The following ETS1 variants were observed in gnomAD, a reference collection of about 807,000 sequenced individuals.
The protein encoded by ETS1 is protein C-ets-1.
Under a neutral mutation model 58.6 loss-of-function variants are expected in ETS1, and 15 were observed. The observed-to-expected ratio is 0.26, with a 90% CI of 0.17 to 0.39. The LOEUF (loss-of-function observed/expected upper bound fraction) is 0.39. Among genes scored for constraint, ETS1 ranks in the 10% least tolerant of loss-of-function variants. The probability of loss-of-function intolerance (pLI) is 1.00; values close to 1 mark genes in which losing one functional copy is unlikely to be tolerated. For synonymous variants in ETS1, 214 were observed against 218.2 expected (o/e 0.98, Z 0.17); for missense variants, 417 against 610.5 (o/e 0.68, Z 3.34).
intron 8 of ETS1, among the ~76,000 whole-genome samples, chr11:128,475,556 CT>C (rs35049593): frequency 2.3e-4 from 25 of 109,402 alleles, no homozygotes; most frequent in South Asian, 6.2e-4. Flanking sequence ...ATGCACAGGG[CT>C]TTTTTTTTTT....
At chr11:128,502,743 C>T (rs1379104305) in intron 3 of ETS1, among the ~76,000 whole-genome samples, 1 of 152,150 alleles carries the variant, frequency 6.6e-6, no homozygotes, top group Non-Finnish European at 1.5e-5. Context: ...TTACTTGTAT[C>T]CTTAATCCTC....
At chr11:128,568,127 G>A (rs1864542873) in intron 2 of ETS1, among the ~76,000 whole-genome samples, 1 of 152,180 alleles carries the variant, frequency 6.6e-6, no homozygotes, top group Non-Finnish European at 1.5e-5. Context: ...CCCAAAGTCT[G>A]TGGCTCTGGG....
Position 128,569,315 on chromosome 11 carries a change from C to CTTCTTTTTTTTTTTT in ETS1, c.69+3732_69+3746dup, listed in dbSNP as rs1864573760. Among the ~76,000 whole-genome samples, 6 of 35,134 alleles carry CTTCTTTTTTTTTTTT rather than the reference C, an allele frequency of 1.7e-4. 1 individual carries two copies. Among genetic ancestry groups the CTTCTTTTTTTTTTTT allele is most frequent in the Non-Finnish European group, 3.0e-4 (5 of 16,486 alleles). 23.0% of individuals were successfully genotyped at this position (35,134 alleles called of 152,430 possible). A position where few individuals can be genotyped will look rare whatever the true frequency, so the allele number is the denominator to read the frequency against. On this transcript the variant is annotated intron_variant, in intron 2 of 9. Transcript: ENST00000392668. Reference sequence around the variant, plus strand: ...ATTTACCATACATGGGACAGAGTTTCTTCTTTTTTTTTTTTTTTTTTTTTT... The same window carrying CTTCTTTTTTTTTTTT: ...ATTTACCATACATGGGACAGAGTTTCTTCTTTTTTTTTTTTTTCTTTTTTTTTTTTTTTTTTTTTT...
intron 3 of ETS1, among the ~76,000 whole-genome samples, chr11:128,538,938 C>T (rs543335074): frequency 2.6e-4 from 39 of 152,260 alleles, no homozygotes; most frequent in African/African-American, 7.5e-4. Context: ...TCTCTATCCA[C>T]GACAGTGGAC....
chr11:128,553,852 A>C (rs1213152738), intron 3 of ETS1, among the ~76,000 whole-genome samples: 1 of 152,150 alleles, frequency 6.6e-6, no homozygotes, highest in Non-Finnish European at 1.5e-5. Context: ...TTCTGAGAGC[A>C]TGAACGTGAA....
intron 3 of ETS1, among the ~76,000 whole-genome samples, chr11:128,525,619 GAAAAAAAAAAAA>G (rs10554000): frequency 1.3e-5 from 1 of 75,818 alleles, no homozygotes; most frequent in African/African-American, 4.9e-5. Context: ...GTAAGATTTA[GAAAAAAAAAAAA>G]AAAAAAAAAA....
intron 3 of ETS1, among the ~76,000 whole-genome samples, chr11:128,528,459 C>T (rs1349466484): frequency 6.6e-6 from 1 of 152,134 alleles, no homozygotes; most frequent in East Asian, 1.9e-4. Context: ...GAAGCTGTCA[C>T]CCCACCCCTG....
rs1370072184 is a variant in ETS1, at chr11:128,458,849, G to A, written c.*3512C>T. The A allele has an allele frequency of 6.6e-6, 1 of 152,506 alleles. No homozygotes were observed. The highest frequency in any genetic ancestry group is 1.5e-5 in the Non-Finnish European group (1 of 67,996). 9.4% of individuals were successfully genotyped at this position (152,506 alleles called of 1,614,324 possible). On this transcript the variant is annotated 3_prime_UTR_variant, in exon 10 of 10. Transcript: ENST00000392668. The surrounding 1 kb of genome is among the most constrained non-coding windows in gnomAD (Gnocchi z 4.3). ...GCTACAGTATATAAAAAACTCTCCA[G>A]CAAAATGATGTGCCAGCATCAGCTA...
chr11:128,484,331 G>A (rs1356945001), intron 7 of ETS1, among the ~76,000 whole-genome samples: 1 of 152,120 alleles, frequency 6.6e-6, no homozygotes, highest in East Asian at 1.9e-4. Flanking sequence ...AAAAGTCACA[G>A]GAGGCTAAAG....
At chr11:128,582,267 A>C (rs1864890071) in intron 1 of ETS1, among the ~76,000 whole-genome samples, 1 of 152,194 alleles carries the variant, frequency 6.6e-6, no homozygotes, top group South Asian at 2.1e-4. Flanking sequence ...GCCATGAGCA[A>C]ATTTCTTAAC....
intron 8 of ETS1, among the ~76,000 whole-genome samples, chr11:128,470,816 G>A (rs1269239077): frequency 3.9e-5 from 6 of 152,102 alleles, no homozygotes; most frequent in Non-Finnish European, 5.9e-5. Flanking sequence ...TACAGTATAC[G>A]AATGTAAAAA....
intron 1 of ETS1, among the ~76,000 whole-genome samples, chr11:128,585,692 C>A (rs149260684): frequency 2.5e-4 from 38 of 152,286 alleles, no homozygotes; most frequent in African/African-American, 8.4e-4. Flanking sequence ...TTTTTCATAG[C>A]CCTATGCTGT....
At chr11:128,529,511 G>C (rs1326489429) in intron 3 of ETS1, among the ~76,000 whole-genome samples, 8 of 152,142 alleles carry the variant, frequency 5.3e-5, no homozygotes, top group Non-Finnish European at 1.2e-4. Context: ...TCTACTAATG[G>C]GTAATCAAGA....
rs1237399647 is a variant in ETS1 at position 128,460,442 on chromosome 11, T to C, written c.*1919A>G. 1 of 152,738 alleles carries C rather than the reference T, an allele frequency of 6.5e-6. No individual in the cohort carries two copies. The highest frequency in any genetic ancestry group is 1.5e-5 in the Non-Finnish European group (1 of 68,044). The allele number at this position is 152,738 out of a possible 1,614,324, so 9.5% of individuals were successfully genotyped here. A position where few individuals can be genotyped will look rare whatever the true frequency, so the allele number is the denominator to read the frequency against. ...ATAACAATCAATTTTCTTAAAGATATGCTAGAAAGTAGTTAGTACTTCCAA... is the reference window on the plus strand; with the variant it reads ...ATAACAATCAATTTTCTTAAAGATACGCTAGAAAGTAGTTAGTACTTCCAA... On this transcript the variant is annotated 3_prime_UTR_variant, in exon 10 of 10. Coordinates refer to ENST00000392668, the MANE Select transcript of ETS1 (RefSeq NM_001143820.2).
At chr11:128,526,864 C>A (rs1044502060) in intron 3 of ETS1, 1 of 454,278 alleles carries the variant, frequency 2.2e-6, no homozygotes, top group African/African-American at 2.0e-5. Context: ...TCAGTGCTCT[C>A]CAAGTCCAGC....
chr11:128,476,194 T>A (rs974413255), intron 8 of ETS1, among the ~76,000 whole-genome samples: 1 of 152,188 alleles, frequency 6.6e-6, no homozygotes, highest in Non-Finnish European at 1.5e-5. Context: ...GGACTCCTTA[T>A]CTGTGGCTAT....
At chr11:128,507,708 G>T (rs1863280658) in intron 3 of ETS1, among the ~76,000 whole-genome samples, 3 of 152,306 alleles carry the variant, frequency 2.0e-5, no homozygotes, top group Middle Eastern at 3.4e-3. Flanking sequence ...AAAGGTCGGT[G>T]GGCTTTTTCT....
At position 128,464,285 on chromosome 11, in the gene ETS1, C is replaced by T. The variant is rs943720952; in HGVS notation, c.1124-658G>A. On this transcript the variant is annotated intron_variant, in intron 8 of 9. Transcript: ENST00000392668. The surrounding 1 kb of genome is among the most constrained non-coding windows in gnomAD (Gnocchi z 4.1). ...TACTATTTGAGGAATTAACGTGCCA[C>T]CCAGAAAATCCTCAGGGGTCAGATG... 2.7e-5 allele frequency among the ~76,000 whole-genome samples: 4 copies of T among 150,270 alleles called. No individual in the cohort carries two copies. Among genetic ancestry groups the T allele is most frequent in the Non-Finnish European group, 4.4e-5 (3 of 67,806 alleles).
intron 8 of ETS1, among the ~76,000 whole-genome samples, chr11:128,470,418 CT>C (rs1318066089): frequency 6.6e-6 from 1 of 152,160 alleles, no homozygotes; most frequent in Non-Finnish European, 1.5e-5. Flanking sequence ...TCTTATGCAA[CT>C]CATTTAATCT....
Sources: allele counts gnomAD v4.1 joint callset (sites outside exome capture counted in the v4.1 genomes callset), GRCh38; gene constraint gnomAD v4.1.1; non-coding constraint Gnocchi (gnomAD v3.1); transcripts MANE v1.5; gene names NCBI Gene and HGNC (gene_info 2026-07-23, HGNC 2026-07-21).